Variants in OAS2 observed in about 807,000 individuals in gnomAD.
OAS2 encodes the protein 2'-5'-oligoadenylate synthetase 2.
OAS2 carries 67 observed loss-of-function variants against 71.3 expected under a neutral mutation model. The ratio of observed to expected loss-of-function variants is 0.94; its 90% CI spans 0.77 to 1.15. The LOEUF (loss-of-function observed/expected upper bound fraction) is 1.15, where lower values mean the gene tolerates loss of function less well. OAS2 is among the 50% of genes most tolerant of loss of function. The pLI is 0.00. For missense variants in OAS2, 789 were observed against 822.5 expected, an observed-to-expected ratio of 0.96 and a Z score of 0.50; for synonymous variants, 327 against 321.8, an observed-to-expected ratio of 1.02 and a Z score of -0.17.
Position 113,010,431 on chromosome 12 carries a change from T to C in OAS2, c.*1176T>C, listed in dbSNP as rs1366132684. On this transcript the variant is annotated 3_prime_UTR_variant, in exon 10 of 10. Transcript: ENST00000392583. Reference sequence around the variant, plus strand: ...GATCCATCCTATTGTCAATGAGATGTTCTCATCCAGAAGCCATAGAATCCT... The same window carrying C: ...GATCCATCCTATTGTCAATGAGATGCTCTCATCCAGAAGCCATAGAATCCT... 6.2e-7 allele frequency: 1 copy of C among 1,614,006 alleles called. No individual in the cohort carries two copies. Among genetic ancestry groups the C allele is most frequent in the South Asian group, 1.1e-5 (1 of 91,070 alleles).
intron 4 of OAS2, 35 bp downstream of exon 4, chr12:112,997,790 A>C: frequency 4.6e-5 from 65 of 1,425,956 alleles, no homozygotes; most frequent in Non-Finnish European, 5.9e-5. Context: ...CCTGTACCTC[A>C]TCATCCGCAT....
At chr12:112,996,235 G>A (rs984847636) in intron 3 of OAS2, among the ~76,000 whole-genome samples, 10 of 152,082 alleles carry the variant, frequency 6.6e-5, no homozygotes, top group Admixed American at 6.5e-5. Context: ...TTTTCAAATT[G>A]GGGCAATTAT....
chr12:113,007,571 T>C, intron 8 of OAS2, 134 bp from the exon 9 acceptor site: 2 of 739,018 alleles, frequency 2.7e-6, no homozygotes, highest in South Asian at 3.4e-5. Context: ...GGCTGTACAA[T>C]TTAGACATCC....
At chr12:112,997,097 C>A (rs2044239839) in intron 3 of OAS2, among the ~76,000 whole-genome samples, 1 of 152,150 alleles carries the variant, frequency 6.6e-6, no homozygotes, top group Admixed American at 6.5e-5. Context: ...TTGACTCTAA[C>A]TTCCTTGGCT....
Position 113,005,532 on chromosome 12 carries a change from G to A in OAS2, c.1468+310G>A, listed in dbSNP as rs146155497. Among the ~76,000 whole-genome samples the A allele has an allele frequency of 5.1e-3, 767 of 150,798 alleles. 4 individuals are homozygous for A. The highest frequency in any genetic ancestry group is 8.3e-3 in the Non-Finnish European group (559 of 67,756). The stretch of plus-strand genomic sequence containing the variant: ...ACTGCACTCCAGCCTGGGTAACAGA[G>A]TGAGACTCCGTCTGAAAACAAACAA... On this transcript the variant is annotated intron_variant, in intron 7 of 9. Transcript: ENST00000392583.
chr12:113,004,884 G>C, intron 6 of OAS2, 50 bp from the exon 7 acceptor site: 1 of 1,593,570 alleles, frequency 6.3e-7, no homozygotes, highest in Non-Finnish European at 8.6e-7. Flanking sequence ...GGGGGCACGG[G>C]ACTCCTCGGT....
chr12:112,990,196 T>C (rs1226692486), intron 2 of OAS2, among the ~76,000 whole-genome samples: 5 of 152,220 alleles, frequency 3.3e-5, no homozygotes, highest in African/African-American at 4.8e-5. Context: ...ATGAGGACCA[T>C]GACCTGTGAC....
chr12:112,993,492 G>A (rs1333946189), intron 2 of OAS2, among the ~76,000 whole-genome samples: 1 of 152,284 alleles, frequency 6.6e-6, no homozygotes, highest in Non-Finnish European at 1.5e-5. Context: ...CTCCCTGCAT[G>A]CCAAGTGCCC....
At chr12:113,001,948 T>A (rs149787134) in intron 5 of OAS2, among the ~76,000 whole-genome samples, 2,841 of 148,772 alleles carry the variant, frequency 0.019, 76 homozygotes, top group African/African-American at 0.061. Flanking sequence ...GGCTGGAGGA[T>A]CCCTTGAGCC....
chr12:113,009,401 C>T lies in OAS2; in HGVS notation c.*146C>T. On this transcript the variant is annotated 3_prime_UTR_variant, in exon 10 of 10. Coordinates refer to ENST00000392583, the MANE Select transcript of OAS2 (RefSeq NM_002535.3). ...AGCTGGTCAGCCCCCTAAGCCCCCA[C>T]TACAAGTGATCCTCAGGCAGGTAAC... The T allele has an allele frequency of 6.8e-7, 1 of 1,480,916 alleles. No homozygotes were observed. The highest frequency in any genetic ancestry group is 8.9e-7 in the Non-Finnish European group (1 of 1,120,850). The allele number at this position is 1,480,916 out of a possible 1,614,324, so 91.7% of individuals were successfully genotyped here.
intron 2 of OAS2, chr12:112,987,763 G>A: frequency 1.0e-6 from 1 of 998,418 alleles, no homozygotes; most frequent in Non-Finnish European, 1.2e-6. Flanking sequence ...AAGTCCAGCT[G>A]GGGCAAGCAT....
rs1021495720 is a variant in OAS2, at chr12:113,009,735, C to T, written c.*480C>T. 6 of 987,270 alleles carry T rather than the reference C, an allele frequency of 6.1e-6. No individual in the cohort carries two copies. Among genetic ancestry groups the T allele is most frequent in the Non-Finnish European group, 7.2e-6 (6 of 831,392 alleles). The allele number at this position is 987,270 out of a possible 1,614,324, so 61.2% of individuals were successfully genotyped here. Reference sequence around the variant, plus strand: ...ATTAGAAGTTTCATCCGCAAATTTTCTTCCATTTCATTGCTCAGAAATGTC... The same window carrying T: ...ATTAGAAGTTTCATCCGCAAATTTTTTTCCATTTCATTGCTCAGAAATGTC... On this transcript the variant is annotated 3_prime_UTR_variant, in exon 10 of 10. Coordinates refer to ENST00000392583, the MANE Select transcript of OAS2 (RefSeq NM_002535.3).
chr12:112,980,293 A>T (rs1429240009), intron 1 of OAS2, among the ~76,000 whole-genome samples: 1 of 152,186 alleles, frequency 6.6e-6, no homozygotes, highest in African/African-American at 2.4e-5. Context: ...GAAATATATA[A>T]TAAATTATTG....
At chr12:112,982,349 A>C (rs370781826) in intron 1 of OAS2, among the ~76,000 whole-genome samples, 1 of 152,186 alleles carries the variant, frequency 6.6e-6, no homozygotes, top group African/African-American at 2.4e-5. Flanking sequence ...TGTTCCTTAC[A>C]TGCCTAATTT....
intron 1 of OAS2, among the ~76,000 whole-genome samples, chr12:112,981,063 G>T: frequency 6.6e-6 from 1 of 151,994 alleles, no homozygotes; most frequent in South Asian, 2.1e-4. Context: ...TTAATGGGAT[G>T]GGTTGTTTTC....
At chr12:112,984,095 A>T (rs1320151889) in intron 1 of OAS2, among the ~76,000 whole-genome samples, 2 of 152,218 alleles carry the variant, frequency 1.3e-5, no homozygotes, top group Non-Finnish European at 2.9e-5. Context: ...TGTCTACGTG[A>T]TCTGCCCAAT....
At position 112,983,018 on chromosome 12, in the gene OAS2, A is replaced by C. The variant is rs918677408; in HGVS notation, c.178-4020A>C. Reference sequence around the variant, plus strand: ...TTTTATTTCTGTGGTATCAATGGTAATGTCTCCTTTTTTATCCCTGATTTT... The same window carrying C: ...TTTTATTTCTGTGGTATCAATGGTACTGTCTCCTTTTTTATCCCTGATTTT... On this transcript the variant is annotated intron_variant, in intron 1 of 9. Coordinates refer to ENST00000392583, the MANE Select transcript of OAS2 (RefSeq NM_002535.3). 2.6e-5 allele frequency among the ~76,000 whole-genome samples: 4 copies of C among 152,134 alleles called. No homozygotes were observed. The East Asian group carries it at 7.7e-4, about 29-fold the overall frequency.
Position 113,009,698 on chromosome 12 carries a change from C to T in OAS2, c.*443C>T, listed in dbSNP as rs2044363609. 7.1e-6 allele frequency: 7 copies of T among 988,058 alleles called. No individual in the cohort carries two copies. The Middle Eastern group carries it at 1.6e-3, about 221-fold the overall frequency. 61.2% of individuals were successfully genotyped at this position (988,058 alleles called of 1,614,324 possible). A position where few individuals can be genotyped will look rare whatever the true frequency, so the allele number is the denominator to read the frequency against. On this transcript the variant is annotated 3_prime_UTR_variant, in exon 10 of 10. Coordinates refer to ENST00000392583, the MANE Select transcript of OAS2 (RefSeq NM_002535.3). ...GGAAAAGATACCCAAAGGTCAAGAA[C>T]ACAGTGATTTTATTAGAAGTTTCAT...
chr12:113,007,688 T>C lies in OAS2; in HGVS notation c.1657-17T>C, dbSNP rs775962007. The C allele has an allele frequency of 1.2e-6, 2 of 1,607,368 alleles. No homozygotes were observed. The highest frequency in any genetic ancestry group is 1.7e-5 in the Admixed American group (1 of 59,962). On this transcript the variant is annotated splice_polypyrimidine_tract_variant and intron_variant, in intron 8 of 9. Coordinates refer to ENST00000392583, the MANE Select transcript of OAS2 (RefSeq NM_002535.3). ...CCTAGGCTAACCAGTTCGTCTGATG[T>C]TCCCACTCTTACCTAGTGTGAAAGG...
Sources: allele counts gnomAD v4.1 joint callset (sites outside exome capture counted in the v4.1 genomes callset), GRCh38; gene constraint gnomAD v4.1.1; transcripts MANE v1.5; gene names NCBI Gene and HGNC (gene_info 2026-07-23, HGNC 2026-07-21).